ESR1: variants seen among roughly 807,000 people sequenced by gnomAD.
The protein encoded by ESR1 is estrogen receptor 1.
Under a neutral mutation model 52.7 loss-of-function variants are expected in ESR1, and 12 were observed. The observed-to-expected ratio is 0.23, with a 90% CI of 0.15 to 0.37. The LOEUF (loss-of-function observed/expected upper bound fraction) is 0.37. Among genes scored for constraint, ESR1 ranks in the 10% least tolerant of loss-of-function variants. The probability of loss-of-function intolerance (pLI) is 1.00; values close to 1 mark genes in which losing one functional copy is unlikely to be tolerated. For synonymous variants in ESR1, 305 were observed against 316.8 expected (o/e 0.96, Z 0.39); for missense variants, 584 against 779.7 (o/e 0.75, Z 2.99).
At chr6:152,027,320 T>A (rs1361030514) in intron 5 of ESR1, among the ~76,000 whole-genome samples, 1 of 138,622 alleles carries the variant, frequency 7.2e-6, no homozygotes, top group Non-Finnish European at 1.5e-5. Flanking sequence ...TTATAATACT[T>A]ATATGCACAT....
intron 6 of ESR1, among the ~76,000 whole-genome samples, chr6:152,117,909 A>T (rs530251194): frequency 6.6e-6 from 1 of 152,326 alleles, no homozygotes; most frequent in East Asian, 1.9e-4. Context: ...GACTTTAGGT[A>T]TGACAATCAG....
chr6:151,714,742 A>T (rs2128004862), intron 2 of ESR1, among the ~76,000 whole-genome samples: 1 of 151,982 alleles, frequency 6.6e-6, no homozygotes, highest in South Asian at 2.1e-4. Flanking sequence ...TTTGCATGTG[A>T]TATGGGTCTC....
At chr6:151,946,680 C>G (rs139847138) in intron 4 of ESR1, among the ~76,000 whole-genome samples, 67 of 151,946 alleles carry the variant, frequency 4.4e-4, no homozygotes, top group African/African-American at 1.5e-3. Context: ...ATTATAAAGG[C>G]AAAAATGAAA....
At chr6:151,689,919 A>C (rs996613094), upstream of ESR1, among the ~76,000 whole-genome samples, 1 of 152,084 alleles carries the variant, frequency 6.6e-6, no homozygotes, top group Admixed American at 6.5e-5. Flanking sequence ...CTTAGTGTTA[A>C]ACAAACAATC....
intron 2 of ESR1, among the ~76,000 whole-genome samples, chr6:151,746,064 ATACTCCATTTT>A (rs1783456566): frequency 1.3e-5 from 2 of 152,128 alleles, no homozygotes; most frequent in Admixed American, 1.3e-4. Context: ...GGGCTGAATA[ATACTCCATTTT>A]GTCTCTATAT....
intron 4 of ESR1, among the ~76,000 whole-genome samples, chr6:152,001,274 G>T (rs995723024): frequency 6.6e-6 from 1 of 151,934 alleles, no homozygotes; most frequent in Non-Finnish European, 1.5e-5. Context: ...GCCACATCTG[G>T]CCATCCTTTA....
chr6:151,819,607 C>T (rs1383416854), intron 1 of ESR1, among the ~76,000 whole-genome samples: 1 of 152,200 alleles, frequency 6.6e-6, no homozygotes, highest in Non-Finnish European at 1.5e-5. Flanking sequence ...TGTGTCCCAT[C>T]ACCCCCAGAT....
At chr6:151,752,566 A>T (rs2128080536) in intron 2 of ESR1, among the ~76,000 whole-genome samples, 1 of 152,218 alleles carries the variant, frequency 6.6e-6, no homozygotes, top group East Asian at 1.9e-4. Context: ...AATAAAAAAA[A>T]ATTACAGTTC....
chr6:151,982,852 T>C (rs1397744018), intron 4 of ESR1, among the ~76,000 whole-genome samples: 2 of 152,156 alleles, frequency 1.3e-5, no homozygotes, highest in African/African-American at 4.8e-5. Flanking sequence ...GAATTTCAAT[T>C]TGTATTTTAT....
chr6:152,031,931 G>T (rs1207493045), intron 5 of ESR1, among the ~76,000 whole-genome samples: 2 of 152,166 alleles, frequency 1.3e-5, no homozygotes, highest in African/African-American at 2.4e-5. Flanking sequence ...ACATCAAAAA[G>T]CTTATCCACC....
chr6:152,043,966 C>G (rs1055740475), intron 5 of ESR1, among the ~76,000 whole-genome samples: 1 of 149,842 alleles, frequency 6.7e-6, no homozygotes, highest in South Asian at 2.1e-4. Flanking sequence ...AGATAAGACT[C>G]GAACCCAGGG....
At chr6:151,848,905 C>T (rs1343082437) in intron 2 of ESR1, among the ~76,000 whole-genome samples, 1 of 152,078 alleles carries the variant, frequency 6.6e-6, no homozygotes, top group Admixed American at 6.6e-5. Flanking sequence ...CTCTCCTATT[C>T]CTTCTCCCCC....
intron 2 of ESR1, among the ~76,000 whole-genome samples, chr6:151,855,059 A>G (rs1787563740): frequency 6.6e-6 from 1 of 152,128 alleles, no homozygotes; most frequent in Admixed American, 6.5e-5. Context: ...GACCACAGGC[A>G]TGGGCCACCA....
chr6:152,080,716 A>C (rs1295872853), intron 6 of ESR1, among the ~76,000 whole-genome samples: 2 of 152,238 alleles, frequency 1.3e-5, no homozygotes, highest in African/African-American at 4.8e-5. Context: ...GGCAAATTGG[A>C]TAAAGAGTCA....
chr6:152,041,370 G>A (rs1334917297), intron 5 of ESR1, among the ~76,000 whole-genome samples: 1 of 152,170 alleles, frequency 6.6e-6, no homozygotes, highest in South Asian at 2.1e-4. Flanking sequence ...TTGATAAATG[G>A]GCTGGAGTAA....
chr6:151,905,373 G>T (rs935602059), intron 3 of ESR1, among the ~76,000 whole-genome samples: 2 of 152,222 alleles, frequency 1.3e-5, no homozygotes, highest in African/African-American at 4.8e-5. Context: ...CACACCAGAA[G>T]AGGATACAAT....
At chr6:152,092,615 G>A (rs1294899315) in intron 6 of ESR1, among the ~76,000 whole-genome samples, 1 of 152,208 alleles carries the variant, frequency 6.6e-6, no homozygotes, top group Non-Finnish European at 1.5e-5. Context: ...GGGCTGAATA[G>A]TGGTATGACC....
At chr6:152,002,239 C>T (rs1353819415) in intron 4 of ESR1, among the ~76,000 whole-genome samples, 5 of 146,176 alleles carry the variant, frequency 3.4e-5, no homozygotes, top group South Asian at 2.2e-4. Context: ...CTCACTAAAA[C>T]GACAGTGTTG....
chr6:151,710,118 A>AT (rs972158079), intron 2 of ESR1, among the ~76,000 whole-genome samples: 2 of 151,936 alleles, frequency 1.3e-5, no homozygotes, highest in East Asian at 1.9e-4. Context: ...CAATTTAAAG[A>AT]TTTTTTTTCT....
Sources: allele counts gnomAD v4.1 joint callset (sites outside exome capture counted in the v4.1 genomes callset), GRCh38; gene constraint gnomAD v4.1.1; transcripts MANE v1.5; gene names NCBI Gene and HGNC (gene_info 2026-07-23, HGNC 2026-07-21).